Variants in VTI1A observed in about 807,000 individuals in gnomAD.
VTI1A encodes vesicle transport through interaction with t-SNAREs homolog 1A.
A neutral mutation model predicts 34.9 loss-of-function variants in VTI1A; 22 were observed. That is an observed-to-expected ratio of 0.63 (90% CI 0.45 to 0.90). The LOEUF (loss-of-function observed/expected upper bound fraction) is 0.90. Ranked by LOEUF, VTI1A falls within the 40% of genes least tolerant of loss-of-function variation. The pLI, the probability that VTI1A is intolerant of heterozygous loss-of-function variation, is 0.00. For missense variants in VTI1A, 268 were observed against 275.6 expected (o/e 0.97, Z 0.20); for synonymous variants, 87 against 97.3 (o/e 0.89, Z 0.62).
At chr10:112,578,704 G>T (rs1298869087) in intron 5 of VTI1A, among the ~76,000 whole-genome samples, 1 of 152,044 alleles carries the variant, frequency 6.6e-6, no homozygotes, top group Non-Finnish European at 1.5e-5. Context: ...CTCACTTTTT[G>T]AAAGCGTAGC....
intron 7 of VTI1A, among the ~76,000 whole-genome samples, chr10:112,763,313 G>A (rs796514138): frequency 1.3e-5 from 2 of 151,882 alleles, no homozygotes; most frequent in African/African-American, 2.4e-5. Flanking sequence ...GGTGGCAGGC[G>A]CCTGTAGTCC....
chr10:112,513,277 G>A (rs1228866791), intron 3 of VTI1A, among the ~76,000 whole-genome samples: 1 of 151,946 alleles, frequency 6.6e-6, no homozygotes, highest in Non-Finnish European at 1.5e-5. Flanking sequence ...TTATACCCAA[G>A]TGTTTAATTT....
At chr10:112,846,697 C>T in the VTI1A span, among the ~76,000 whole-genome samples, 8 of 147,752 alleles carry the variant, frequency 5.4e-5, no homozygotes, top group South Asian at 4.3e-4. Context: ...ACCCAGGAGG[C>T]GGAGCTTGCA....
intron 5 of VTI1A, among the ~76,000 whole-genome samples, chr10:112,586,649 T>C (rs564702942): frequency 9.2e-5 from 14 of 152,306 alleles, no homozygotes; most frequent in African/African-American, 2.9e-4. Flanking sequence ...TCTTCTTTCT[T>C]TGTTCCTGCT....
chr10:112,742,670 T>C (rs1850733409), intron 7 of VTI1A, among the ~76,000 whole-genome samples: 1 of 152,222 alleles, frequency 6.6e-6, no homozygotes, highest in Non-Finnish European at 1.5e-5. Flanking sequence ...TTGGTTGGTA[T>C]TTCTTTAAAA....
chr10:112,479,984 G>A (rs1848410192), intron 3 of VTI1A, among the ~76,000 whole-genome samples: 4 of 152,134 alleles, frequency 2.6e-5, no homozygotes, highest in Admixed American at 2.6e-4. Flanking sequence ...TTTTCTAAAA[G>A]TATCTGTTAA....
chr10:112,833,019 G>T, the VTI1A span, among the ~76,000 whole-genome samples: 1 of 152,320 alleles, frequency 6.6e-6, no homozygotes, highest in Non-Finnish European at 1.5e-5. Context: ...CGATAGCAGA[G>T]TCCTCCCCCA....
At chr10:112,504,304 T>TTG (rs542068688) in intron 3 of VTI1A, among the ~76,000 whole-genome samples, 1 of 152,318 alleles carries the variant, frequency 6.6e-6, no homozygotes, top group South Asian at 2.1e-4. Context: ...TACGAATTGT[T>TTG]TGTGTATCTT....
In VTI1A at chr10:112,574,044, T is replaced by G. The variant is rs372131246; in HGVS notation, c.427+35714T>G. ...CTCTACATGTTTGTAGTGAATCATA[T>G]TGTTTAAATTCCATTTTTTTCTAAA... On this transcript the variant is annotated intron_variant, in intron 5 of 7. Transcript: ENST00000393077. Among the ~76,000 whole-genome samples the G allele has an allele frequency of 2.6e-5, 4 of 152,338 alleles. No individual in the cohort carries two copies. In the East Asian group the frequency reaches 7.7e-4, roughly 29 times the overall value.
intron 5 of VTI1A, among the ~76,000 whole-genome samples, chr10:112,554,886 TA>T (rs1293691537): frequency 1.3e-5 from 2 of 152,162 alleles, no homozygotes; most frequent in East Asian, 3.9e-4. Flanking sequence ...ATCAATCATT[TA>T]ATTTGATGAG....
At chr10:112,727,108 A>G (rs7088860) in intron 7 of VTI1A, among the ~76,000 whole-genome samples, 23,443 of 152,184 alleles carry the variant, frequency 0.15, 3,855 homozygotes, top group African/African-American at 0.41. Flanking sequence ...GGTGAGTTGC[A>G]CGCAGTGGGA....
intron 5 of VTI1A, among the ~76,000 whole-genome samples, chr10:112,649,999 CTA>C (rs1294870067): frequency 6.6e-6 from 1 of 152,124 alleles, no homozygotes; most frequent in Non-Finnish European, 1.5e-5. Context: ...CTACTGTAGA[CTA>C]TATAAACACT....
chr10:112,527,223 G>A (rs1461543316), intron 4 of VTI1A, 59 bp downstream of exon 4: 27 of 1,474,424 alleles, frequency 1.8e-5, no homozygotes, highest in African/African-American at 4.2e-5. Context: ...GGTCACTGGC[G>A]CACTGGGCTC....
chr10:112,447,820 C>T (rs1208393128), intron 1 of VTI1A, among the ~76,000 whole-genome samples: 2 of 152,078 alleles, frequency 1.3e-5, no homozygotes, highest in African/African-American at 2.4e-5. Context: ...AGTATGTAGC[C>T]TATGGATCTA....
chr10:112,615,498 G>T (rs780870322), intron 5 of VTI1A, among the ~76,000 whole-genome samples: 12 of 152,194 alleles, frequency 7.9e-5, no homozygotes, highest in Non-Finnish European at 1.5e-4. Flanking sequence ...TTACGTGGCA[G>T]ACACTTGTTA....
intron 2 of VTI1A, among the ~76,000 whole-genome samples, chr10:112,463,590 T>A (rs545096674): frequency 2.0e-5 from 3 of 152,150 alleles, no homozygotes; most frequent in African/African-American, 7.2e-5. Context: ...TAAACTCTTC[T>A]GTGTTGTATC....
intron 7 of VTI1A, among the ~76,000 whole-genome samples, chr10:112,813,513 T>C (rs763281379): frequency 2.6e-5 from 4 of 152,230 alleles, no homozygotes; most frequent in Middle Eastern, 3.2e-3. Flanking sequence ...TGACAGTGAC[T>C]TGGGCAAATG....
At chr10:112,734,387 C>T (rs1850381104) in intron 7 of VTI1A, among the ~76,000 whole-genome samples, 1 of 152,112 alleles carries the variant, frequency 6.6e-6, no homozygotes, top group Admixed American at 6.5e-5. Flanking sequence ...TCTTCCTCTC[C>T]CCACAAATGC....
At chr10:112,525,078 A>G (rs1223782151) in intron 3 of VTI1A, among the ~76,000 whole-genome samples, 1 of 152,198 alleles carries the variant, frequency 6.6e-6, no homozygotes, top group African/African-American at 2.4e-5. Context: ...AGTAAATACA[A>G]TAAGAGAACC....
Sources: allele counts gnomAD v4.1 joint callset (sites outside exome capture counted in the v4.1 genomes callset), GRCh38; gene constraint gnomAD v4.1.1; transcripts MANE v1.5; gene names NCBI Gene and HGNC (gene_info 2026-07-23, HGNC 2026-07-21).